Variants in KIF3C observed in about 807,000 individuals in gnomAD.
KIF3C encodes the protein kinesin-like protein KIF3C.
KIF3C carries 12 observed loss-of-function variants against 67.7 expected under a neutral mutation model. The observed-to-expected ratio is 0.18, with a 90% CI of 0.11 to 0.29. The LOEUF is 0.29. Ranked by LOEUF, KIF3C falls within the 10% of genes least tolerant of loss-of-function variation. The pLI is 1.00. For synonymous variants in KIF3C, 393 were observed against 426.2 expected (o/e 0.92, Z 0.96); for missense variants, 789 against 1,059.6 (o/e 0.74, Z 3.55).
chr2:25,971,906 T>TTTTTAC (rs1664295605), intron 1 of KIF3C, among the ~76,000 whole-genome samples: 2 of 149,072 alleles, frequency 1.3e-5, no homozygotes, highest in South Asian at 2.1e-4. Flanking sequence ...TTTTACTTTT[T>TTTTTAC]TGTAGAGATG....
rs747336990 is a variant in KIF3C, at chr2:25,980,603, T to TGTTGTC, written c.1309_1314dup (p.Asp437_Asn438dup). 1.2e-5 allele frequency: 19 copies of TGTTGTC among 1,613,854 alleles called. No individual in the cohort carries two copies. In the African/African-American group the frequency reaches 2.5e-4, roughly 22 times the overall value. ...GGCTGGGGCGGGCGGTGGTTGTTGT[T>TGTTGTC]GTTGTCATCCTCCTCTTCTGCCACC... On this transcript the variant is annotated inframe_insertion, in exon 1 of 8. Transcript: ENST00000264712. The surrounding 1 kb of genome is among the most constrained non-coding windows in gnomAD (Gnocchi z 7.6).
chr2:25,943,618 C>T (rs1163964983), intron 5 of KIF3C, among the ~76,000 whole-genome samples: 5 of 152,048 alleles, frequency 3.3e-5, no homozygotes, highest in Admixed American at 6.6e-5. Context: ...CCGAGGTGGG[C>T]GGATCACCTG....
At chr2:25,930,138 A>G in intron 5 of KIF3C, 75 bp from the exon 6 acceptor site, 2 of 1,169,300 alleles carry the variant, frequency 1.7e-6, no homozygotes, top group Non-Finnish European at 2.6e-6. Context: ...GGACCTAAAT[A>G]TCATTCAGGT....
chr2:25,961,947 CAAAA>C (rs201677055), intron 1 of KIF3C, among the ~76,000 whole-genome samples: 2 of 92,466 alleles, frequency 2.2e-5, no homozygotes. Flanking sequence ...GACTCCATCT[CAAAA>C]AAAAAAAAAA....
At chr2:25,954,756 G>A (rs933372604) in intron 3 of KIF3C, among the ~76,000 whole-genome samples, 3 of 152,166 alleles carry the variant, frequency 2.0e-5, no homozygotes, top group Non-Finnish European at 2.9e-5. Flanking sequence ...TAGAAGAGCC[G>A]GAACTAGGAC....
intron 1 of KIF3C, among the ~76,000 whole-genome samples, chr2:25,970,989 AG>A (rs1271898023): frequency 1.3e-4 from 18 of 140,456 alleles, no homozygotes; most frequent in Non-Finnish European, 7.8e-5. Flanking sequence ...AAAAAAAAAA[AG>A]GGCCGGGCAC....
chr2:25,927,344 A>T lies in KIF3C; in HGVS notation c.*1634T>A, dbSNP rs2090419888. On this transcript the variant is annotated 3_prime_UTR_variant, in exon 8 of 8. Transcript: ENST00000264712. ...CAACTCCTGTCCCAGCCACAGTCGA[A>T]CCTCTGATCTGAATCCTGAGTCTCA... 6.6e-6 allele frequency: 1 copy of T among 152,568 alleles called. No homozygotes were observed. Among genetic ancestry groups the T allele is most frequent in the Non-Finnish European group, 1.5e-5 (1 of 68,044 alleles). The allele number at this position is 152,568 out of a possible 1,614,324, so 9.5% of individuals were successfully genotyped here. A position where few individuals can be genotyped will look rare whatever the true frequency, so the allele number is the denominator to read the frequency against.
intron 1 of KIF3C, among the ~76,000 whole-genome samples, chr2:25,961,134 C>T (rs1362292415): frequency 3.3e-5 from 5 of 151,980 alleles, no homozygotes; most frequent in South Asian, 2.1e-4. Flanking sequence ...CAGAATGGGA[C>T]GGAATAGGTT....
chr2:25,971,355 G>A (rs1022975511), intron 1 of KIF3C, among the ~76,000 whole-genome samples: 4 of 151,292 alleles, frequency 2.6e-5, no homozygotes, highest in Non-Finnish European at 2.9e-5. Context: ...CAGGGGAATC[G>A]CTTGAACCCG....
chr2:25,980,724 C>G lies in KIF3C; in HGVS notation c.1194G>C (p.Gly398=), dbSNP rs1417095996. 6.2e-7 allele frequency: 1 copy of G among 1,614,190 alleles called. No individual in the cohort carries two copies. The highest frequency in any genetic ancestry group is 8.5e-7 in the Non-Finnish European group (1 of 1,180,002). ...ARLKAQLEKR[G]MLGKRPRRKS... is the part of the protein sequence containing the mutation. ...TCCTCCGGGGCCGCTTCCCCAGCAT[C>G]CCCCTCTTCTCCAGCTGGGCCTTCA... is the stretch of plus-strand genomic sequence containing the variant. The change falls in exon 1 of 8, where the codon GGG becomes GGC. Residue 398 remains glycine, a synonymous_variant. Transcript: ENST00000264712. The surrounding 1 kb of genome is among the most constrained non-coding windows in gnomAD (Gnocchi z 7.6).
chr2:25,942,595 A>G (rs1663320943), intron 5 of KIF3C, among the ~76,000 whole-genome samples: 1 of 151,964 alleles, frequency 6.6e-6, no homozygotes, highest in Admixed American at 6.6e-5. Context: ...TTTTTAGTAG[A>G]GACGGGGTTT....
chr2:25,959,806 C>T (rs990034635), intron 1 of KIF3C, among the ~76,000 whole-genome samples: 3 of 151,990 alleles, frequency 2.0e-5, no homozygotes, highest in East Asian at 3.9e-4. Flanking sequence ...TCATGGGGCC[C>T]GATCATCTGG....
At chr2:25,946,874 T>A (rs1250444197) in intron 5 of KIF3C, among the ~76,000 whole-genome samples, 1 of 147,180 alleles carries the variant, frequency 6.8e-6, no homozygotes, top group Non-Finnish European at 1.5e-5. Flanking sequence ...GAAAGAAGGC[T>A]GGGCGCAGTG....
At chr2:25,952,307 A>C (rs926131556) in intron 4 of KIF3C, among the ~76,000 whole-genome samples, 3 of 152,050 alleles carry the variant, frequency 2.0e-5, no homozygotes, top group Non-Finnish European at 4.4e-5. Flanking sequence ...TCTCAAAAAA[A>C]AATAAGTTAA....
chr2:25,931,703 T>C (rs999732775), intron 5 of KIF3C, among the ~76,000 whole-genome samples: 1 of 151,240 alleles, frequency 6.6e-6, no homozygotes, highest in Non-Finnish European at 1.5e-5. Flanking sequence ...AGTGGTGCGA[T>C]CTCAGTTCAC....
At chr2:25,963,174 GTATATA>G (rs1553716012) in intron 1 of KIF3C, among the ~76,000 whole-genome samples, 1 of 34,308 alleles carries the variant, frequency 2.9e-5, no homozygotes, top group Non-Finnish European at 4.3e-5. Flanking sequence ...ATGTGTGTGT[GTATATA>G]TATATATATA....
At chr2:25,973,244 T>C (rs1386438073) in intron 1 of KIF3C, among the ~76,000 whole-genome samples, 4 of 151,972 alleles carry the variant, frequency 2.6e-5, no homozygotes, top group African/African-American at 4.8e-5. Context: ...TGGGGCATGA[T>C]TGATGTGTAA....
At chr2:25,973,992 A>G (rs1003034168) in intron 1 of KIF3C, among the ~76,000 whole-genome samples, 12 of 152,256 alleles carry the variant, frequency 7.9e-5, no homozygotes, top group African/African-American at 2.9e-4. Flanking sequence ...GTGGTTTGAC[A>G]TAGCAATAAT....
rs1340853468 is a variant in KIF3C, at chr2:25,963,199, T to A, written c.1546-6755A>T. Among the ~76,000 whole-genome samples the A allele has an allele frequency of 0.011, 653 of 59,152 alleles. 10 individuals are homozygous for A. The East Asian group carries it at 0.14, about 12-fold the overall frequency. The allele number at this position is 59,152 out of a possible 152,430, so 38.8% of individuals were successfully genotyped here. A position where few individuals can be genotyped will look rare whatever the true frequency, so the allele number is the denominator to read the frequency against. ...GTATATATATATATATATATATATT[T>A]TTTTTTTTTTTTTTTTTTTTTTTAA... On this transcript the variant is annotated intron_variant, in intron 1 of 7. Coordinates refer to ENST00000264712, the MANE Select transcript of KIF3C (RefSeq NM_002254.8).
Sources: gnomAD v4.1 joint callset for allele counts (sites outside exome capture counted in the v4.1 genomes callset) on GRCh38, gnomAD v4.1.1 for gene constraint, Gnocchi (gnomAD v3.1) non-coding constraint, MANE v1.5 for transcripts, NCBI Gene and HGNC (gene_info 2026-07-23, HGNC 2026-07-21) for gene names.